The following BCAS3 variants were observed in gnomAD, a reference collection of about 807,000 sequenced individuals.
BCAS3 encodes BCAS4/BCAS3 fusion.
BCAS3 carries 53 observed loss-of-function variants against 116.1 expected under a neutral mutation model. The ratio of observed to expected loss-of-function variants is 0.46; its 90% CI spans 0.37 to 0.57. BCAS3 has a LOEUF of 0.57. Ranked by LOEUF, BCAS3 falls within the 20% of genes least tolerant of loss-of-function variation. The pLI, the probability that BCAS3 is intolerant of heterozygous loss-of-function variation, is 0.00. For missense variants in BCAS3, 917 were observed against 1,165.4 expected (o/e 0.79, Z 3.10); for synonymous variants, 391 against 408.2 (o/e 0.96, Z 0.51).
intron 12 of BCAS3, among the ~76,000 whole-genome samples, chr17:60,922,780 A>G (rs1222298128): frequency 6.6e-6 from 1 of 152,228 alleles, no homozygotes. Flanking sequence ...GAAATCAATA[A>G]CAAAATTCGA....
chr17:60,799,703 CTTTTCTTTTTTTTTTTTT>C (rs1266331033), intron 6 of BCAS3, among the ~76,000 whole-genome samples: 6 of 51,802 alleles, frequency 1.2e-4, no homozygotes, highest in African/African-American at 6.3e-4. Flanking sequence ...TAATTTTTTT[CTTTTCTTTTTTTTTTTTT>C]TTTTTTTTTT....
At chr17:61,091,186 A>G (rs1399249916) in intron 22 of BCAS3, among the ~76,000 whole-genome samples, 1 of 152,244 alleles carries the variant, frequency 6.6e-6, no homozygotes, top group African/African-American at 2.4e-5. Flanking sequence ...TATTGCAAGC[A>G]TCAGGTCCTT....
rs114248331 is a variant in BCAS3, at chr17:61,285,321, C to T, written c.2426-83006C>T. Among the ~76,000 whole-genome samples the T allele has an allele frequency of 0.013, 1,985 of 151,898 alleles. 51 individuals are homozygous for T. The highest frequency in any genetic ancestry group is 0.046 in the African/African-American group (1,882 of 41,324). ...ACAACAGTGCACGGCAGAGTCCCTG[C>T]TAATAAATGTATATAAAAGAACTGA... On this transcript the variant is annotated intron_variant, in intron 22 of 23. Transcript: ENST00000407086. This position sits in a 1 kb window ranked among gnomAD's most constrained non-coding sequence, Gnocchi z 5.4.
intron 22 of BCAS3, among the ~76,000 whole-genome samples, chr17:61,288,041 T>G (rs1403386010): frequency 6.6e-6 from 1 of 152,220 alleles, no homozygotes; most frequent in Non-Finnish European, 1.5e-5. Flanking sequence ...TACACCAAAG[T>G]GTAAAAGACA....
chr17:61,046,056 ATT>A (rs1491531584), intron 19 of BCAS3, among the ~76,000 whole-genome samples: 18 of 19,010 alleles, frequency 9.5e-4, no homozygotes, highest in Non-Finnish European at 1.2e-3. Context: ...TAATATATAT[ATT>A]ATATATATAT....
At chr17:60,690,269 C>T (rs1190351400) in intron 4 of BCAS3, among the ~76,000 whole-genome samples, 1 of 152,122 alleles carries the variant, frequency 6.6e-6, no homozygotes, top group Non-Finnish European at 1.5e-5. Flanking sequence ...GAATTTCCTT[C>T]CTTTTAAAGG....
intron 12 of BCAS3, among the ~76,000 whole-genome samples, chr17:60,923,182 T>A (rs1021619980): frequency 6.6e-6 from 1 of 152,208 alleles, no homozygotes; most frequent in Non-Finnish European, 1.5e-5. Context: ...TATTTGTAGC[T>A]AGATTGAATT....
chr17:60,926,428 T>C (rs1201521159), intron 13 of BCAS3, among the ~76,000 whole-genome samples: 1 of 152,206 alleles, frequency 6.6e-6, no homozygotes, highest in East Asian at 1.9e-4. Flanking sequence ...TATCATTATA[T>C]AGAGATATTA....
chr17:61,121,019 T>C (rs945875640), intron 22 of BCAS3, among the ~76,000 whole-genome samples: 2 of 152,202 alleles, frequency 1.3e-5, no homozygotes, highest in African/African-American at 4.8e-5. Flanking sequence ...TTCCTAAAAT[T>C]TCCTATAAAT....
intron 19 of BCAS3, 92 bp downstream of exon 19, chr17:61,040,984 C>A (rs180938262): frequency 5.8e-6 from 6 of 1,034,672 alleles, no homozygotes; most frequent in South Asian, 2.7e-5. Flanking sequence ...TACCACTGGT[C>A]CATAGGCCAT....
chr17:61,185,885 A>G (rs2079741939), intron 22 of BCAS3, among the ~76,000 whole-genome samples: 1 of 152,168 alleles, frequency 6.6e-6, no homozygotes, highest in African/African-American at 2.4e-5. Flanking sequence ...AAAAATTATA[A>G]CTTTGTGCTA....
rs535124354 is a variant in BCAS3, at chr17:61,244,439, C to A, written c.2426-123888C>A. ...ATCATGAACAAAGACAGTTTGGAAA[C>A]AGGGTGACTAGAAGTCAACAAAAAT... is the stretch of plus-strand genomic sequence containing the variant. On this transcript the variant is annotated intron_variant, in intron 22 of 23. Transcript: ENST00000407086. This position sits in a 1 kb window ranked among gnomAD's most constrained non-coding sequence, Gnocchi z 4.9. Among the ~76,000 whole-genome samples, 3 of 152,128 alleles carry A rather than the reference C, an allele frequency of 2.0e-5. No homozygotes were observed. Among genetic ancestry groups the A allele is most frequent in the Non-Finnish European group, 2.9e-5 (2 of 68,022 alleles).
intron 6 of BCAS3, among the ~76,000 whole-genome samples, chr17:60,800,693 C>T (rs2047694551): frequency 6.6e-6 from 1 of 151,998 alleles, no homozygotes; most frequent in Admixed American, 6.6e-5. Context: ...AGATTTTCTT[C>T]CATATTTTCT....
intron 5 of BCAS3, among the ~76,000 whole-genome samples, chr17:60,716,356 A>G (rs1271930382): frequency 6.6e-6 from 1 of 152,228 alleles, no homozygotes; most frequent in Non-Finnish European, 1.5e-5. Context: ...AGTGACATAT[A>G]AGCTAAAAAA....
In BCAS3 at chr17:61,233,805, A is replaced by T. The variant is rs1478845700; in HGVS notation, c.2426-134522A>T. On this transcript the variant is annotated intron_variant, in intron 22 of 23. Transcript: ENST00000407086. This position sits in a 1 kb window ranked among gnomAD's most constrained non-coding sequence, Gnocchi z 4.3. Reference sequence around the variant, plus strand: ...GGACCCCAATCTATAAAACAGATACAAGAGGAGATGCTTTGGTTAATGGAG... The same window carrying T: ...GGACCCCAATCTATAAAACAGATACTAGAGGAGATGCTTTGGTTAATGGAG... 6.6e-6 allele frequency among the ~76,000 whole-genome samples: 1 copy of T among 152,180 alleles called. No individual in the cohort carries two copies. Among genetic ancestry groups the T allele is most frequent in the Non-Finnish European group, 1.5e-5 (1 of 68,030 alleles).
At chr17:61,246,763 G>T (rs568191301) in intron 22 of BCAS3, among the ~76,000 whole-genome samples, 81 of 151,146 alleles carry the variant, frequency 5.4e-4, no homozygotes, top group Non-Finnish European at 1.1e-3. Context: ...GATTTAAAAT[G>T]AATATGGGTA....
In BCAS3 at chr17:61,063,260, T is replaced by G. The variant is rs144492581; in HGVS notation, c.2030-11660T>G. On this transcript the variant is annotated intron_variant, in intron 19 of 23. Transcript: ENST00000407086. This position sits in a 1 kb window ranked among gnomAD's most constrained non-coding sequence, Gnocchi z 5.3. ...GCCATGGTTTATTTACAGTTTTTTG[T>G]TTTTTTGTTGTTTTGGTTTTTTTTT... Among the ~76,000 whole-genome samples, 683 of 151,838 alleles carry G rather than the reference T, an allele frequency of 4.5e-3. 1 individual carries two copies. The highest frequency in any genetic ancestry group is 7.7e-3 in the Non-Finnish European group (520 of 67,938).
chr17:60,975,782 A>C (rs2062305195), intron 14 of BCAS3, among the ~76,000 whole-genome samples: 1 of 152,154 alleles, frequency 6.6e-6, no homozygotes, highest in African/African-American at 2.4e-5. Context: ...TATAAAATGG[A>C]ATCATACAAT....
intron 4 of BCAS3, among the ~76,000 whole-genome samples, chr17:60,693,885 A>ATTTTTTT (rs202004899): frequency 7.6e-6 from 1 of 131,506 alleles, no homozygotes; most frequent in East Asian, 2.2e-4. Context: ...AAAAATTTTA[A>ATTTTTTT]TTTTTTTTTT....
Sources: gnomAD v4.1 joint callset for allele counts (sites outside exome capture counted in the v4.1 genomes callset) on GRCh38, gnomAD v4.1.1 for gene constraint, Gnocchi (gnomAD v3.1) non-coding constraint, MANE v1.5 for transcripts, NCBI Gene and HGNC (gene_info 2026-07-23, HGNC 2026-07-21) for gene names.